Variants in FANCI observed in about 807,000 individuals in gnomAD.
FANCI encodes the protein Fanconi anemia group I protein.
A neutral mutation model predicts 176.1 loss-of-function variants in FANCI; 156 were observed. The observed-to-expected ratio is 0.89, with a 90% CI of 0.78 to 1.01. FANCI has a LOEUF of 1.01. Ranked by LOEUF, FANCI falls within the 50% of genes least tolerant of loss-of-function variation. FANCI has a pLI of 0.00. For synonymous variants in FANCI, 613 were observed against 541.7 expected (o/e 1.13, Z -1.83); for missense variants, 1,678 against 1,534.1 (o/e 1.09, Z -1.57).
intron 24 of FANCI, among the ~76,000 whole-genome samples, chr15:89,296,930 A>C (rs1489139026): frequency 5.1e-5 from 6 of 117,596 alleles, no homozygotes; most frequent in South Asian, 5.8e-4. Context: ...TGACCCCCCC[A>C]CCTCCCTCCC....
At chr15:89,295,666 TA>T (rs1399386895) in intron 24 of FANCI, among the ~76,000 whole-genome samples, 1 of 150,886 alleles carries the variant, frequency 6.6e-6, no homozygotes, top group Non-Finnish European at 1.5e-5. Context: ...AACTCCATCT[TA>T]AAAGAGTGAA....
Position 89,298,701 on chromosome 15 carries a change from T to G in FANCI, c.2637-1099T>G, listed in dbSNP as rs572732029. Among the ~76,000 whole-genome samples the G allele has an allele frequency of 4.6e-5, 7 of 152,326 alleles. No individual in the cohort carries two copies. In the South Asian group the frequency reaches 1.4e-3, roughly 32 times the overall value. ...GAAGATCAATAAATTTAATGAACTT[T>G]AGCCAGACTAATCAGGAAAAGAGAA... On this transcript the variant is annotated intron_variant, in intron 24 of 37. Coordinates refer to ENST00000310775, the MANE Select transcript of FANCI (RefSeq NM_001113378.2).
intron 11 of FANCI, 69 bp downstream of exon 11, chr15:89,273,538 A>T: frequency 1.1e-6 from 1 of 904,590 alleles, no homozygotes; most frequent in Non-Finnish European, 1.8e-6. Context: ...AAAAAAAATC[A>T]CAGTAATCTG....
At chr15:89,264,704 C>A in intron 9 of FANCI, 97 bp downstream of exon 9, 1 of 1,092,516 alleles carries the variant, frequency 9.2e-7, no homozygotes, top group Non-Finnish European at 1.4e-6. Context: ...CACCGCCTAC[C>A]TTCACCTCAG....
intron 9 of FANCI, among the ~76,000 whole-genome samples, chr15:89,268,114 T>G (rs1419550988): frequency 6.6e-6 from 1 of 152,190 alleles, no homozygotes; most frequent in African/African-American, 2.4e-5. Flanking sequence ...TTGTTGTTGT[T>G]GAGACAGGGT....
In FANCI at chr15:89,291,711, A is replaced by G. The variant is rs1402291578; in HGVS notation, c.1989A>G (p.Pro663=). 1.2e-6 allele frequency: 2 copies of G among 1,610,460 alleles called. No homozygotes were observed. Among genetic ancestry groups the G allele is most frequent in the Non-Finnish European group, 1.7e-6 (2 of 1,176,916 alleles). ...GAGATAAGATCTCTCTACAAGAACC[A>G]CTGGTGAGACTTTTATTCTTCCTTC... ...TQGDKISLQE[P]LDYLLCCIQH... Residue 663 remains proline, a synonymous_variant, in exon 20 of 38, where the codon CCA becomes CCG. Transcript: ENST00000310775.
chr15:89,300,901 T>G (rs1596318090), intron 26 of FANCI, among the ~76,000 whole-genome samples: 1 of 152,324 alleles, frequency 6.6e-6, no homozygotes, highest in East Asian at 1.9e-4. Flanking sequence ...TTCCTATCCT[T>G]ATGGAGCTTA....
intron 2 of FANCI, among the ~76,000 whole-genome samples, chr15:89,256,982 C>T (rs745425525): frequency 2.0e-5 from 3 of 152,218 alleles, no homozygotes; most frequent in Non-Finnish European, 2.9e-5. Context: ...GCTCGGCTCA[C>T]TGCAAGCTCC....
chr15:89,253,793 G>GT, intron 2 of FANCI, among the ~76,000 whole-genome samples: 1 of 139,430 alleles, frequency 7.2e-6, no homozygotes, highest in South Asian at 2.5e-4. Flanking sequence ...TTGTGGGGGG[G>GT]GGGGGGAAGA....
At chr15:89,261,990 T>G (rs747133340) in intron 6 of FANCI, 112 bp downstream of exon 6, 5 of 911,530 alleles carry the variant, frequency 5.5e-6, no homozygotes, top group African/African-American at 1.7e-5. Context: ...TTTTGTTGTT[T>G]TTAATATAAC....
chr15:89,274,320 A>G lies in FANCI; in HGVS notation c.1112+16A>G, dbSNP rs776706718. ...TGAAGAATAGGTAAGTTGGTGAACC[A>G]TATCTCAAAAGGTTTATAAGGTGTT... On this transcript the variant is annotated intron_variant, in intron 12 of 37. Transcript: ENST00000310775. 2 of 1,612,936 alleles carry G rather than the reference A, an allele frequency of 1.2e-6. No homozygotes were observed. Among genetic ancestry groups the G allele is most frequent in the Non-Finnish European group, 1.7e-6 (2 of 1,179,480 alleles).
intron 10 of FANCI, among the ~76,000 whole-genome samples, chr15:89,272,932 G>A (rs1206074143): frequency 6.6e-6 from 1 of 152,124 alleles, no homozygotes; most frequent in African/African-American, 2.4e-5. Flanking sequence ...CTCCCAAAGT[G>A]CTGGCATTAC....
chr15:89,272,035 C>T (rs2053219888), intron 10 of FANCI, among the ~76,000 whole-genome samples: 33 of 152,094 alleles, frequency 2.2e-4, no homozygotes, highest in Admixed American at 2.2e-3. Context: ...GCCTGTTTTC[C>T]AAAACGGTAT....
At position 89,312,935 on chromosome 15, in the gene FANCI, A is replaced by G. The variant is rs759370573; in HGVS notation, c.3683A>G (p.Glu1228Gly). 12 of 1,613,772 alleles carry G rather than the reference A, an allele frequency of 7.4e-6. No homozygotes were observed. Among genetic ancestry groups the G allele is most frequent in the Non-Finnish European group, 1.0e-5 (12 of 1,179,944 alleles). ...AGTAAGAGCCTGAACTATACGGGAG[A>G]GAAAAAGGAGAAACCTGCTGCCGTT... ...NKSKSLNYTG[E>G]KKEKPAAVAT... is the part of the protein sequence containing the mutation. The change falls in exon 35 of 38, where the codon GAG becomes GGG. Residue 1228 changes from glutamate (E) to glycine (G), a missense_variant. Glu to Gly is a moderately conservative substitution (Grantham distance 98). Around this residue, in one of 3 missense-constraint regions of FANCI, gnomAD observed 1,204 missense variants for 1,077.4 expected, o/e 1.12. Transcript: ENST00000310775.
At chr15:89,296,501 G>A (rs1347337857) in intron 24 of FANCI, among the ~76,000 whole-genome samples, 4 of 152,056 alleles carry the variant, frequency 2.6e-5, no homozygotes, top group Non-Finnish European at 4.4e-5. Flanking sequence ...CAGAGAGCAC[G>A]GGGTTGCGGG....
intron 11 of FANCI, 121 bp from the exon 12 acceptor site, chr15:89,274,047 G>A (rs950519836): frequency 3.9e-6 from 3 of 767,856 alleles, no homozygotes; most frequent in South Asian, 3.6e-5. Context: ...CAGTTATAAG[G>A]TTAAGATTTA....
In FANCI at chr15:89,293,009, T is replaced by C; in HGVS notation, c.2237T>C (p.Val746Ala). The C allele has an allele frequency of 1.9e-6, 3 of 1,614,072 alleles. No individual in the cohort carries two copies. The highest frequency in any genetic ancestry group is 2.5e-6 in the Non-Finnish European group (3 of 1,179,946). ...GIKNNICAFL[V>A]MGVCEVLIEY... ...AAAAATAATATCTGTGCTTTTCTTG[T>C]GATGGGAGTTTGTGAGGTTTTAATA... The change falls in exon 22 of 38, where the codon GTG (valine) becomes GCG (alanine). Residue 746 changes from valine (V) to alanine (A), a missense_variant. Around this residue, in one of 3 missense-constraint regions of FANCI, gnomAD observed 1,204 missense variants for 1,077.4 expected, o/e 1.12. Transcript: ENST00000310775.
In FANCI at chr15:89,314,576, A is replaced by G. The variant is rs183305280; in HGVS notation, c.3721-36A>G. 1.4e-4 allele frequency: 205 copies of G among 1,508,432 alleles called. No individual in the cohort carries two copies. The African/African-American group carries it at 2.5e-3, about 19-fold the overall frequency. 93.4% of individuals were successfully genotyped at this position (1,508,432 alleles called of 1,614,324 possible). A position where few individuals can be genotyped will look rare whatever the true frequency, so the allele number is the denominator to read the frequency against. ...CAGAGGAAAACTTCAAAAACCATTG[A>G]ACCTGAAATTTAAGTCTTATGTTCT... On this transcript the variant is annotated intron_variant, in intron 35 of 37. Coordinates refer to ENST00000310775, the MANE Select transcript of FANCI (RefSeq NM_001113378.2).
intron 24 of FANCI, 36 bp from the exon 25 acceptor site, chr15:89,299,764 T>C: frequency 6.2e-7 from 1 of 1,605,208 alleles, no homozygotes; most frequent in Non-Finnish European, 8.5e-7. Context: ...TCGGTGAACC[T>C]GTCTTTAAAA....
Sources: gnomAD v4.1 joint callset for allele counts (sites outside exome capture counted in the v4.1 genomes callset) on GRCh38, gnomAD v4.1.1 for gene constraint, gnomAD v4.1.1 regional missense constraint, MANE v1.5 for transcripts, NCBI Gene and HGNC (gene_info 2026-07-23, HGNC 2026-07-21) for gene names.